Variants in STXBP5L observed in about 807,000 individuals in gnomAD.
The protein encoded by STXBP5L is syntaxin-binding protein 5-like.
In STXBP5L, 65 loss-of-function variants were observed where a neutral mutation model predicts 144.5. That is an observed-to-expected ratio of 0.45 (90% confidence interval 0.37 to 0.55). STXBP5L has a LOEUF of 0.55. STXBP5L is among the 20% of genes least tolerant of loss of function. The pLI, the probability that STXBP5L is intolerant of heterozygous loss-of-function variation, is 0.00. For synonymous variants in STXBP5L, 505 were observed against 469.6 expected (o/e 1.08, Z -0.97); for missense variants, 1,298 against 1,405.5 (o/e 0.92, Z 1.22).
At chr3:121,043,312 G>A (rs868628769) in intron 4 of STXBP5L, among the ~76,000 whole-genome samples, 18 of 152,028 alleles carry the variant, frequency 1.2e-4, no homozygotes, top group Non-Finnish European at 1.5e-4. Context: ...TAGACACTGT[G>A]GTGTTCTGCT....
At chr3:121,347,150 T>C (rs199641148) in intron 20 of STXBP5L, among the ~76,000 whole-genome samples, 5 of 152,246 alleles carry the variant, frequency 3.3e-5, no homozygotes, top group South Asian at 2.1e-4. Flanking sequence ...GGAAGGGATC[T>C]AGTTTCAGCT....
rs144022565 is a variant in STXBP5L, at chr3:120,977,186, C to G, written c.287+22149C>G. On this transcript the variant is annotated intron_variant, in intron 3 of 26. Coordinates refer to ENST00000471454, the MANE Select transcript of STXBP5L (RefSeq NM_001308330.2). ...TAATATTGTGTGGGAGTCTAAGTCT[C>G]TTTGTAGGTCAGTAAGGACTTGCTT... Among the ~76,000 whole-genome samples, 376 of 152,290 alleles carry G rather than the reference C, an allele frequency of 2.5e-3. 2 individuals are homozygous for G. Among genetic ancestry groups the G allele is most frequent in the African/African-American group, 8.5e-3 (354 of 41,564 alleles).
intron 22 of STXBP5L, among the ~76,000 whole-genome samples, chr3:121,398,067 C>T (rs929589748): frequency 3.3e-5 from 5 of 152,300 alleles, no homozygotes; most frequent in Admixed American, 6.5e-5. Flanking sequence ...TCCTCCTGTT[C>T]GTTTAATTTT....
chr3:120,938,114 A>G (rs1710363188), intron 2 of STXBP5L, among the ~76,000 whole-genome samples: 1 of 152,106 alleles, frequency 6.6e-6, no homozygotes, highest in Non-Finnish European at 1.5e-5. Context: ...TATAACCATC[A>G]TTAATGTTTC....
At chr3:121,379,734 A>T (rs375632705) in intron 21 of STXBP5L, among the ~76,000 whole-genome samples, 3 of 152,296 alleles carry the variant, frequency 2.0e-5, no homozygotes, top group East Asian at 3.9e-4. Context: ...TCAACTTTGT[A>T]TGGTGATGAA....
chr3:121,048,382 T>G (rs1947672134), intron 5 of STXBP5L, among the ~76,000 whole-genome samples: 1 of 152,148 alleles, frequency 6.6e-6, no homozygotes, highest in Admixed American at 6.6e-5. Flanking sequence ...TGAATTTGTA[T>G]TTTGGCCTCT....
chr3:121,313,606 AC>A (rs1227015153), intron 19 of STXBP5L, among the ~76,000 whole-genome samples: 615 of 12,580 alleles, frequency 0.049, 48 homozygotes, highest in Non-Finnish European at 0.066. Flanking sequence ...CGGCTGGCCG[AC>A]CCCCCCCCCC....
At chr3:121,309,602 G>A (rs1364701687) in intron 19 of STXBP5L, among the ~76,000 whole-genome samples, 1 of 152,002 alleles carries the variant, frequency 6.6e-6, no homozygotes, top group Non-Finnish European at 1.5e-5. Flanking sequence ...GATCAAAAAA[G>A]AATTAGATGA....
chr3:120,956,415 A>G (rs1317359927), intron 3 of STXBP5L, among the ~76,000 whole-genome samples: 1 of 151,910 alleles, frequency 6.6e-6, no homozygotes, highest in African/African-American at 2.4e-5. Flanking sequence ...TATATAAGTG[A>G]AAGCATACAG....
intron 5 of STXBP5L, among the ~76,000 whole-genome samples, chr3:121,092,801 A>G (rs752547982): frequency 6.6e-6 from 1 of 152,160 alleles, no homozygotes; most frequent in Non-Finnish European, 1.5e-5. Flanking sequence ...AGAACTTCCA[A>G]CACCATGTTG....
chr3:121,083,135 G>T (rs958671955), intron 5 of STXBP5L, among the ~76,000 whole-genome samples: 2 of 152,130 alleles, frequency 1.3e-5, no homozygotes, highest in Admixed American at 6.5e-5. Context: ...GGAGGTGGAG[G>T]TTGCAGTGAG....
rs187179265 is a variant in STXBP5L at position 121,218,612 on chromosome 3, C to A, written c.957-4391C>A. Among the ~76,000 whole-genome samples the A allele has an allele frequency of 1.7e-3, 265 of 151,668 alleles. 1 individual carries two copies. Among genetic ancestry groups the A allele is most frequent in the African/African-American group, 5.6e-3 (231 of 41,368 alleles). On this transcript the variant is annotated intron_variant, in intron 10 of 26. Coordinates refer to ENST00000471454, the MANE Select transcript of STXBP5L (RefSeq NM_001308330.2). ...GCCTTGAAGGGAGTAGGGAGGAGAA[C>A]CATGAAGAGAGAAATCAGGAAAATT...
intron 10 of STXBP5L, among the ~76,000 whole-genome samples, chr3:121,215,427 G>A (rs141100222): frequency 6.6e-6 from 1 of 152,268 alleles, no homozygotes; most frequent in Non-Finnish European, 1.5e-5. Flanking sequence ...GCATTTGCTT[G>A]TCTGTAAAGG....
chr3:120,991,975 A>G (rs946426493), intron 3 of STXBP5L, among the ~76,000 whole-genome samples: 1 of 152,130 alleles, frequency 6.6e-6, no homozygotes, highest in Non-Finnish European at 1.5e-5. Flanking sequence ...AAAAATCCAT[A>G]TAGTGATTGC....
At chr3:121,026,865 A>T (rs889183382) in intron 3 of STXBP5L, among the ~76,000 whole-genome samples, 2 of 151,654 alleles carry the variant, frequency 1.3e-5, no homozygotes, top group Admixed American at 1.3e-4. Flanking sequence ...ATATATATAT[A>T]GTTATATTTC....
intron 9 of STXBP5L, among the ~76,000 whole-genome samples, chr3:121,184,951 T>C (rs2047313218): frequency 6.6e-6 from 1 of 152,172 alleles, no homozygotes; most frequent in Non-Finnish European, 1.5e-5. Flanking sequence ...CAGAATTTCA[T>C]ATCCAGCCAA....
At chr3:121,047,307 A>G (rs1391221841) in intron 5 of STXBP5L, among the ~76,000 whole-genome samples, 1 of 151,966 alleles carries the variant, frequency 6.6e-6, no homozygotes, top group South Asian at 2.1e-4. Context: ...CTATGTACAG[A>G]TAAGAAGATG....
chr3:121,099,575 G>A (rs1489818651), intron 5 of STXBP5L: 1 of 153,144 alleles, frequency 6.5e-6, no homozygotes, highest in African/African-American at 2.4e-5. Flanking sequence ...TGAGAGCTCA[G>A]AATAGAGGGA....
chr3:121,310,518 G>C (rs986530444), intron 19 of STXBP5L, among the ~76,000 whole-genome samples: 5 of 152,132 alleles, frequency 3.3e-5, no homozygotes, highest in Non-Finnish European at 7.4e-5. Flanking sequence ...CGAAGGCTGA[G>C]GCAGGAGAGG....
Sources: gnomAD v4.1 joint callset for allele counts (sites outside exome capture counted in the v4.1 genomes callset) on GRCh38, gnomAD v4.1.1 for gene constraint, MANE v1.5 for transcripts, NCBI Gene and HGNC (gene_info 2026-07-23, HGNC 2026-07-21) for gene names.